The following UBA2 variants were observed in gnomAD, a reference collection of about 807,000 sequenced individuals.
UBA2 encodes ubiquitin like modifier activating enzyme 2, also known as SUMO-activating enzyme subunit 2.
Under a neutral mutation model 77.2 loss-of-function variants are expected in UBA2, and 11 were observed. The ratio of observed to expected loss-of-function variants is 0.14; its 90% CI spans 0.09 to 0.24. The LOEUF (loss-of-function observed/expected upper bound fraction) is 0.24. Among genes scored for constraint, UBA2 ranks in the 10% least tolerant of loss-of-function variants. The probability of loss-of-function intolerance (pLI) is 1.00; values close to 1 mark genes in which losing one functional copy is unlikely to be tolerated. For missense variants in UBA2, 487 were observed against 781.7 expected (o/e 0.62, Z 4.50); for synonymous variants, 278 against 276.7 (o/e 1.00, Z -0.05).
intron 14 of UBA2, among the ~76,000 whole-genome samples, chr19:34,462,632 A>G (rs2075643615): frequency 6.6e-6 from 1 of 152,092 alleles, no homozygotes; most frequent in Admixed American, 6.5e-5. Flanking sequence ...AATGTTAAAA[A>G]GCCAAAAAAA....
chr19:34,463,937 C>T, intron 14 of UBA2, 89 bp from the exon 15 acceptor site: 1 of 866,928 alleles, frequency 1.2e-6, no homozygotes, highest in South Asian at 1.4e-5. Context: ...CACAAATCAG[C>T]CCATAACAGA....
chr19:34,452,469 A>G (rs1489069622), intron 10 of UBA2, among the ~76,000 whole-genome samples: 1 of 152,206 alleles, frequency 6.6e-6, no homozygotes, highest in African/African-American at 2.4e-5. Flanking sequence ...TCATAAAATC[A>G]TTTGGAGAAA....
chr19:34,445,702 T>C (rs1030022276), intron 8 of UBA2, among the ~76,000 whole-genome samples: 1 of 152,124 alleles, frequency 6.6e-6, no homozygotes, highest in East Asian at 1.9e-4. Context: ...CTTCCCAAAG[T>C]GATGGGATTA....
chr19:34,437,533 C>T (rs1272506705), intron 5 of UBA2, among the ~76,000 whole-genome samples: 1 of 151,564 alleles, frequency 6.6e-6, no homozygotes, highest in Admixed American at 6.6e-5. Flanking sequence ...TCACTTGAAC[C>T]CGGGAGGCAG....
At chr19:34,463,389 G>T (rs1429471187) in intron 14 of UBA2, among the ~76,000 whole-genome samples, 2 of 152,146 alleles carry the variant, frequency 1.3e-5, no homozygotes, top group Admixed American at 6.5e-5. Flanking sequence ...CACAACCCAG[G>T]TGGCTTAAAC....
rs757588307 is a variant in UBA2 at position 34,428,413 on chromosome 19, C to T, written c.-20C>T. ...GGTTCTCCCGCCTCCGCCTCCGCCG[C>T]GGCTCGTGGTTGTCCCGCCATGGCA... On this transcript the variant is annotated 5_prime_UTR_variant, in exon 1 of 17. Coordinates refer to ENST00000246548, the MANE Select transcript of UBA2 (RefSeq NM_005499.3). 2 of 1,246,634 alleles carry T rather than the reference C, an allele frequency of 1.6e-6. No homozygotes were observed. The highest frequency in any genetic ancestry group is 8.1e-5 in the Admixed American group (2 of 24,724). The allele number at this position is 1,246,634 out of a possible 1,614,324, so 77.2% of individuals were successfully genotyped here.
Position 34,428,534 on chromosome 19 carries a change from G to A in UBA2, c.102G>A (p.Lys34=). The A allele has an allele frequency of 1.5e-6, 2 of 1,306,852 alleles. No homozygotes were observed. Among genetic ancestry groups the A allele is most frequent in the South Asian group, 3.2e-5 (1 of 30,890 alleles). The allele number at this position is 1,306,852 out of a possible 1,614,324, so 81.0% of individuals were successfully genotyped here. ...GAGGIGCELL[K]NLVLTGFSHI... is the part of the protein sequence containing the mutation. ...GCGGCATCGGCTGCGAGCTCCTCAAGAATCTCGTGCTCACCGGTTTCTCCC... is the reference window on the plus strand; with the variant it reads ...GCGGCATCGGCTGCGAGCTCCTCAAAAATCTCGTGCTCACCGGTTTCTCCC... The change falls in exon 1 of 17, where the codon AAG becomes AAA. Residue 34 remains lysine (K), a synonymous_variant. Transcript: ENST00000246548.
At position 34,470,691 on chromosome 19, in the gene UBA2, T is replaced by A. The variant is rs2075727307; in HGVS notation, c.*1470T>A. 1.3e-5 allele frequency: 2 copies of A among 152,080 alleles called. No individual in the cohort carries two copies. The highest frequency in any genetic ancestry group is 4.8e-5 in the African/African-American group (2 of 41,398). 9.4% of individuals were successfully genotyped at this position (152,080 alleles called of 1,614,324 possible). A position where few individuals can be genotyped will look rare whatever the true frequency, so the allele number is the denominator to read the frequency against. ...GCGCCCTCCACCACGCTCAGCTAAT[T>A]TTTTGTATTTTTAGTAGAGATGGGG... On this transcript the variant is annotated 3_prime_UTR_variant, in exon 17 of 17. Coordinates refer to ENST00000246548, the MANE Select transcript of UBA2 (RefSeq NM_005499.3).
intron 9 of UBA2, among the ~76,000 whole-genome samples, chr19:34,451,192 T>A (rs1335006572): frequency 6.6e-6 from 1 of 152,092 alleles, no homozygotes; most frequent in Non-Finnish European, 1.5e-5. Flanking sequence ...GGAAAACTAT[T>A]GTAGTGGCTG....
chr19:34,435,117 G>A (rs903089469), intron 5 of UBA2, 149 bp downstream of exon 5: 1 of 598,824 alleles, frequency 1.7e-6, no homozygotes, highest in South Asian at 2.0e-5. Flanking sequence ...AAAATGCGGG[G>A]CCAGGTGCAG....
intron 12 of UBA2, among the ~76,000 whole-genome samples, chr19:34,457,312 A>G (rs1444652920): frequency 1.3e-5 from 2 of 150,018 alleles, no homozygotes; most frequent in Non-Finnish European, 3.0e-5. Context: ...AGTTGCATTA[A>G]GCCGAGATCG....
chr19:34,438,220 CAAA>C (rs35061343), intron 5 of UBA2, among the ~76,000 whole-genome samples: 6 of 133,980 alleles, frequency 4.5e-5, no homozygotes, highest in Non-Finnish European at 6.5e-5. Context: ...TAGTTTTGCT[CAAA>C]AAAAAAAAAA....
chr19:34,445,627 G>A (rs150162623), intron 8 of UBA2, among the ~76,000 whole-genome samples: 4 of 152,018 alleles, frequency 2.6e-5, no homozygotes, highest in East Asian at 1.9e-4. Flanking sequence ...TAGTAGAAGC[G>A]GGGTCTCACC....
intron 10 of UBA2, among the ~76,000 whole-genome samples, chr19:34,453,745 C>G (rs1301961802): frequency 6.6e-6 from 1 of 151,996 alleles, no homozygotes; most frequent in African/African-American, 2.4e-5. Context: ...CCGGGCTGGT[C>G]ACAAACTCCT....
chr19:34,460,654 C>T (rs756812162), intron 14 of UBA2, 88 bp downstream of exon 14: 287 of 963,856 alleles, frequency 3.0e-4, no homozygotes, highest in Non-Finnish European at 3.9e-4. Context: ...GTATGTGATA[C>T]TCAGTATTGC....
intron 13 of UBA2, among the ~76,000 whole-genome samples, chr19:34,459,876 C>T (rs1355484889): frequency 1.3e-5 from 2 of 152,196 alleles, no homozygotes; most frequent in African/African-American, 4.8e-5. Flanking sequence ...GTGGCAGGTA[C>T]AGCAGCGGGT....
chr19:34,461,672 T>C (rs1452345249), intron 14 of UBA2, among the ~76,000 whole-genome samples: 1 of 152,180 alleles, frequency 6.6e-6, no homozygotes, highest in Non-Finnish European at 1.5e-5. Flanking sequence ...TACCAGAATA[T>C]GTGTGGAGTC....
intron 4 of UBA2, among the ~76,000 whole-genome samples, chr19:34,434,162 T>C (rs888297024): frequency 3.9e-5 from 6 of 152,226 alleles, no homozygotes; most frequent in African/African-American, 1.4e-4. Flanking sequence ...TTGCCCAGAC[T>C]AGAGTGCACT....
At chr19:34,428,656 G>T in intron 1 of UBA2, 86 bp downstream of exon 1, 1 of 1,166,480 alleles carries the variant, frequency 8.6e-7, no homozygotes. Flanking sequence ...GGGCTCTGAG[G>T]CTCAGGGCCC....
Sources: gnomAD v4.1 joint callset for allele counts (sites outside exome capture counted in the v4.1 genomes callset) on GRCh38, gnomAD v4.1.1 for gene constraint, MANE v1.5 for transcripts, NCBI Gene and HGNC (gene_info 2026-07-23, HGNC 2026-07-21) for gene names.